The following ACSM2B variants were observed in gnomAD, a reference collection of about 807,000 sequenced individuals.
The protein encoded by ACSM2B is acyl-coenzyme A synthetase ACSM2B, mitochondrial.
In ACSM2B, 58 loss-of-function variants were observed where a neutral mutation model predicts 78.6. The observed-to-expected ratio is 0.74, with a 90% CI of 0.60 to 0.92. The LOEUF (loss-of-function observed/expected upper bound fraction) is 0.92. Ranked by LOEUF, ACSM2B falls within the 40% of genes least tolerant of loss-of-function variation. The pLI is 0.00. For synonymous variants in ACSM2B, 257 were observed against 256.8 expected (o/e 1.00, Z -0.01); for missense variants, 688 against 711.2 (o/e 0.97, Z 0.37).
chr16:20,558,424 A>T (rs2015542654), intron 3 of ACSM2B, among the ~76,000 whole-genome samples: 1 of 150,608 alleles, frequency 6.6e-6, no homozygotes, highest in African/African-American at 2.4e-5. Flanking sequence ...AACATCCTCC[A>T]TCCTTCAACT....
chr16:20,568,523 A>G (rs1350988275), intron 1 of ACSM2B, among the ~76,000 whole-genome samples: 1 of 151,306 alleles, frequency 6.6e-6, no homozygotes, highest in African/African-American at 2.4e-5. Flanking sequence ...TTGTGCTGCT[A>G]TAAACATGCA....
At chr16:20,547,009 A>T in intron 8 of ACSM2B, 1 of 662,114 alleles carries the variant, frequency 1.5e-6, no homozygotes, top group Non-Finnish European at 2.0e-6. Context: ...GTTCTGCTTG[A>T]ACCCTGAAAT....
At chr16:20,567,416 T>C (rs1322506627) in intron 1 of ACSM2B, among the ~76,000 whole-genome samples, 4 of 118,898 alleles carry the variant, frequency 3.4e-5, no homozygotes, top group East Asian at 4.2e-4. Flanking sequence ...ATATAATATA[T>C]AATATAGTAT....
At chr16:20,567,216 C>T (rs1329973624) in intron 1 of ACSM2B, among the ~76,000 whole-genome samples, 1 of 124,910 alleles carries the variant, frequency 8.0e-6, no homozygotes. Flanking sequence ...ATATATTATA[C>T]TATATACTAT....
chr16:20,559,128 C>G, intron 3 of ACSM2B, 109 bp downstream of exon 3: 2 of 1,472,394 alleles, frequency 1.4e-6, no homozygotes, highest in Non-Finnish European at 1.8e-6. Flanking sequence ...TGAGAGAGGA[C>G]AGCATGCTCC....
At chr16:20,551,131 AGAG>A (rs2152136850) in intron 6 of ACSM2B, among the ~76,000 whole-genome samples, 1 of 152,344 alleles carries the variant, frequency 6.6e-6, no homozygotes, top group South Asian at 2.1e-4. Flanking sequence ...AAATGCAAGA[AGAG>A]ATAAAATTAA....
At chr16:20,556,134 C>T (rs1038223423) in intron 3 of ACSM2B, among the ~76,000 whole-genome samples, 7 of 151,886 alleles carry the variant, frequency 4.6e-5, no homozygotes, top group Non-Finnish European at 7.4e-5. Flanking sequence ...CTTAATGATA[C>T]TGAAATTTAC....
chr16:20,566,476 T>C (rs1340301368), intron 1 of ACSM2B, among the ~76,000 whole-genome samples: 2 of 121,690 alleles, frequency 1.6e-5, no homozygotes, highest in Admixed American at 1.1e-4. Flanking sequence ...TGTAATATTA[T>C]ATATTATATA....
At chr16:20,559,685 T>G (rs1373546429) in intron 2 of ACSM2B, among the ~76,000 whole-genome samples, 1 of 150,388 alleles carries the variant, frequency 6.6e-6, no homozygotes, top group Non-Finnish European at 1.5e-5. Flanking sequence ...CTTTTAGAAA[T>G]AACTGTAATA....
chr16:20,559,099 G>A, intron 3 of ACSM2B, 138 bp downstream of exon 3: 10 of 1,436,876 alleles, frequency 7.0e-6, no homozygotes, highest in Non-Finnish European at 9.2e-6. Flanking sequence ...GTGGAAGCAG[G>A]GAGAAGTCTT....
chr16:20,555,251 A>G lies in ACSM2B; in HGVS notation c.596+18T>C, dbSNP rs368139368. Reference sequence around the variant, plus strand: ...CCAGTTTTAGTTAAAACCCAGGATGAGACATGTAGATACTCACTTTAGTAG... The same window carrying G: ...CCAGTTTTAGTTAAAACCCAGGATGGGACATGTAGATACTCACTTTAGTAG... On this transcript the variant is annotated intron_variant, in intron 4 of 13. Transcript: ENST00000329697. The G allele has an allele frequency of 6.6e-5, 107 of 1,613,834 alleles. No individual in the cohort carries two copies. In the African/African-American group the frequency reaches 1.3e-3, roughly 19 times the overall value.
intron 8 of ACSM2B, 93 bp downstream of exon 8, chr16:20,547,969 A>G (rs1407970329): frequency 2.8e-5 from 44 of 1,573,564 alleles, no homozygotes; most frequent in Non-Finnish European, 8.6e-7. Flanking sequence ...CAAATAAATG[A>G]ATGATACATG....
intron 10 of ACSM2B, among the ~76,000 whole-genome samples, chr16:20,544,321 T>C (rs1018355168): frequency 6.6e-6 from 1 of 152,192 alleles, no homozygotes; most frequent in African/African-American, 2.4e-5. Context: ...AACTGAGACA[T>C]GACAGATAGG....
chr16:20,563,063 C>G (rs112652868), intron 2 of ACSM2B, among the ~76,000 whole-genome samples: 16,462 of 152,052 alleles, frequency 0.11, 1,813 homozygotes, highest in African/African-American at 0.28. Context: ...TTTGAAAACC[C>G]TAGTCTCTGA....
At chr16:20,553,999 C>A in intron 4 of ACSM2B, 79 bp from the exon 5 acceptor site, 2 of 1,596,148 alleles carry the variant, frequency 1.3e-6, no homozygotes, top group Non-Finnish European at 8.5e-7. Context: ...TTTCCCACCA[C>A]CCACTGTGCT....
At chr16:20,548,645 T>G (rs571414902) in intron 6 of ACSM2B, among the ~76,000 whole-genome samples, 172 bp from the exon 7 acceptor site, 1 of 152,352 alleles carries the variant, frequency 6.6e-6, no homozygotes, top group South Asian at 2.1e-4. Context: ...TCATGCACCC[T>G]GAAGGCACAA....
intron 8 of ACSM2B, chr16:20,547,625 T>C: frequency 9.9e-7 from 1 of 1,005,334 alleles, no homozygotes; most frequent in Non-Finnish European, 1.2e-6. Context: ...TGGTGGGTTC[T>C]TCTTCCCATT....
intron 1 of ACSM2B, chr16:20,574,442 A>G (rs1323874481): frequency 4.6e-5 from 7 of 152,104 alleles, no homozygotes; most frequent in Non-Finnish European, 8.8e-5. Flanking sequence ...AGATAGGCAT[A>G]AGAAACTATA....
chr16:20,557,893 A>G (rs951001512), intron 3 of ACSM2B, among the ~76,000 whole-genome samples: 7 of 152,198 alleles, frequency 4.6e-5, no homozygotes, highest in African/African-American at 1.7e-4. Flanking sequence ...CTCACAAGCT[A>G]TCTATCTTTG....
Sources: allele counts gnomAD v4.1 joint callset (sites outside exome capture counted in the v4.1 genomes callset), GRCh38; gene constraint gnomAD v4.1.1; transcripts MANE v1.5; gene names NCBI Gene and HGNC (gene_info 2026-07-23, HGNC 2026-07-21).